ATP10A: variants seen among roughly 807,000 people sequenced by gnomAD.
ATP10A encodes the protein ATPase phospholipid transporting 10A (putative).
ATP10A carries 111 observed loss-of-function variants against 147.8 expected under a neutral mutation model. That is an observed-to-expected ratio of 0.75 (90% CI 0.64 to 0.88). The LOEUF (loss-of-function observed/expected upper bound fraction) is 0.88, where lower values mean the gene tolerates loss of function less well. Among genes scored for constraint, ATP10A ranks in the 40% least tolerant of loss-of-function variants. The pLI is 0.00. For missense variants in ATP10A, 1,927 were observed against 1,959.0 expected, an observed-to-expected ratio of 0.98 and a Z score of 0.31; for synonymous variants, 875 against 841.6, an observed-to-expected ratio of 1.04 and a Z score of -0.69.
At chr15:25,781,526 G>A (rs1482382105) in intron 1 of ATP10A, among the ~76,000 whole-genome samples, 1 of 151,948 alleles carries the variant, frequency 6.6e-6, no homozygotes, top group South Asian at 2.1e-4. Flanking sequence ...GCGGTGGTGC[G>A]TGCCTGTAGT....
Position 25,823,282 on chromosome 15 carries a change from A to G in ATP10A, c.449+39366T>C, listed in dbSNP as rs974950422. On this transcript the variant is annotated intron_variant, in intron 1 of 20. Transcript: ENST00000555815. ...CATTAGCAACAGTATCGATGATAGTAATAGTACAGACAATTGTTCAACTCT... is the reference window on the plus strand; with the variant it reads ...CATTAGCAACAGTATCGATGATAGTGATAGTACAGACAATTGTTCAACTCT... Among the ~76,000 whole-genome samples the G allele has an allele frequency of 2.6e-5, 4 of 152,236 alleles. No homozygotes were observed. In the East Asian group the frequency reaches 7.7e-4, roughly 29 times the overall value.
chr15:25,690,203 C>T (rs1232685862), intron 15 of ATP10A, among the ~76,000 whole-genome samples: 1 of 147,566 alleles, frequency 6.8e-6, no homozygotes, highest in African/African-American at 2.5e-5. Flanking sequence ...ATATTCATGA[C>T]ACACCTACGT....
intron 1 of ATP10A, among the ~76,000 whole-genome samples, chr15:25,856,104 T>G (rs1893504180): frequency 6.6e-6 from 1 of 152,212 alleles, no homozygotes; most frequent in Non-Finnish European, 1.5e-5. Context: ...CTTAAGAATT[T>G]TAGAAAGCTA....
intron 1 of ATP10A, among the ~76,000 whole-genome samples, chr15:25,815,956 T>G (rs1272487475): frequency 6.6e-6 from 1 of 151,618 alleles, no homozygotes; most frequent in African/African-American, 2.4e-5. Flanking sequence ...CTGACAATTG[T>G]GTAGGGTGGA....
At chr15:25,750,753 C>G (rs1888115483) in intron 2 of ATP10A, among the ~76,000 whole-genome samples, 1 of 151,534 alleles carries the variant, frequency 6.6e-6, no homozygotes, top group South Asian at 2.1e-4. Context: ...AGTACAAAGT[C>G]TGGAAGGAGA....
At chr15:25,675,720 C>T (rs1054047841), downstream of ATP10A, among the ~76,000 whole-genome samples, 6 of 152,204 alleles carry the variant, frequency 3.9e-5, no homozygotes, top group African/African-American at 1.4e-4. Context: ...CTAAGGCAGG[C>T]AGATTGCTTG....
intron 1 of ATP10A, among the ~76,000 whole-genome samples, chr15:25,834,689 T>C (rs1406769660): frequency 6.6e-5 from 10 of 152,202 alleles, no homozygotes; most frequent in Non-Finnish European, 7.3e-5. Context: ...GCATTATTCA[T>C]AGTAGCCAAA....
chr15:25,736,987 G>A (rs1338996263), intron 2 of ATP10A, among the ~76,000 whole-genome samples: 1 of 152,196 alleles, frequency 6.6e-6, no homozygotes, highest in Middle Eastern at 3.2e-3. Flanking sequence ...GGTTAACTAT[G>A]GCTCTGCCGC....
At chr15:25,700,368 C>T (rs1294426049) in intron 13 of ATP10A, among the ~76,000 whole-genome samples, 7 of 152,210 alleles carry the variant, frequency 4.6e-5, no homozygotes, top group African/African-American at 1.2e-4. Context: ...CATGTTCACA[C>T]AAAAACCTGT....
At chr15:25,713,156 G>A (rs1265565648) in intron 10 of ATP10A, among the ~76,000 whole-genome samples, 5 of 152,140 alleles carry the variant, frequency 3.3e-5, no homozygotes, top group South Asian at 4.1e-4. Flanking sequence ...GCACTCCTCC[G>A]TCCTCTGAGC....
chr15:25,672,271 C>T, the ATP10A span, among the ~76,000 whole-genome samples: 52 of 152,302 alleles, frequency 3.4e-4, 1 homozygote, highest in African/African-American at 1.1e-3. Flanking sequence ...CTCCTTCACT[C>T]AGTTTCCTGT....
intron 5 of ATP10A, among the ~76,000 whole-genome samples, chr15:25,725,454 T>C (rs989217212): frequency 6.6e-6 from 1 of 152,108 alleles, no homozygotes; most frequent in African/African-American, 2.4e-5. Flanking sequence ...CCCCCATGGA[T>C]ACCGAAGGAC....
At chr15:25,755,490 C>T (rs1177191505) in intron 2 of ATP10A, among the ~76,000 whole-genome samples, 2 of 152,216 alleles carry the variant, frequency 1.3e-5, no homozygotes, top group Non-Finnish European at 2.9e-5. Flanking sequence ...CAACCAACAA[C>T]CCAGAACAGT....
chr15:25,823,646 T>G (rs1038605899), intron 1 of ATP10A, among the ~76,000 whole-genome samples: 1 of 152,250 alleles, frequency 6.6e-6, no homozygotes, highest in Non-Finnish European at 1.5e-5. Flanking sequence ...AAAGCATTAC[T>G]TGAATTAACT....
Position 25,691,926 on chromosome 15 carries a change from G to A in ATP10A, c.3089-135C>T, listed in dbSNP as rs966430567. 3 of 943,172 alleles carry A rather than the reference G, an allele frequency of 3.2e-6. No individual in the cohort carries two copies. In the African/African-American group the frequency reaches 4.8e-5, roughly 15 times the overall value. The allele number at this position is 943,172 out of a possible 1,614,324, so 58.4% of individuals were successfully genotyped here. ...CGTCCTGGGGAAGATGGGGGAAAAA[G>A]GAGTAGAGCATCCACCCTGGGAGAA... is the stretch of plus-strand genomic sequence containing the variant. On this transcript the variant is annotated intron_variant, in intron 14 of 20. Coordinates refer to ENST00000555815, the MANE Select transcript of ATP10A (RefSeq NM_024490.4).
At chr15:25,723,834 T>C (rs1008126532) in intron 6 of ATP10A, 57 bp downstream of exon 6, 4 of 1,437,222 alleles carry the variant, frequency 2.8e-6, no homozygotes, top group Non-Finnish European at 2.8e-6. Context: ...AGTATGATGA[T>C]TTTAAGTTCT....
At chr15:25,734,201 G>A (rs1399179345) in intron 3 of ATP10A, among the ~76,000 whole-genome samples, 7 of 152,096 alleles carry the variant, frequency 4.6e-5, no homozygotes, top group Non-Finnish European at 8.8e-5. Context: ...GCAGAGGGCC[G>A]TCACCTTTCC....
At chr15:25,681,653 C>G (rs371172859) in intron 17 of ATP10A, among the ~76,000 whole-genome samples, 3 of 152,122 alleles carry the variant, frequency 2.0e-5, no homozygotes, top group Non-Finnish European at 2.9e-5. Context: ...CCCAGAGGCC[C>G]GATGAAAAGC....
At chr15:25,673,245 T>C (rs1409510198), downstream of ATP10A, among the ~76,000 whole-genome samples, 1 of 152,066 alleles carries the variant, frequency 6.6e-6, no homozygotes, top group African/African-American at 2.4e-5. Context: ...CCTGCTGGAC[T>C]CCCCCTATGC....
Sources: allele counts gnomAD v4.1 joint callset (sites outside exome capture counted in the v4.1 genomes callset), GRCh38; gene constraint gnomAD v4.1.1; transcripts MANE v1.5; gene names NCBI Gene and HGNC (gene_info 2026-07-23, HGNC 2026-07-21).